Variants in CAMTA1 observed in about 807,000 individuals in gnomAD.
The protein encoded by CAMTA1 is calmodulin-binding transcription activator 1.
Under a neutral mutation model 170.9 loss-of-function variants are expected in CAMTA1, and 27 were observed. The ratio of observed to expected loss-of-function variants is 0.16; its 90% CI spans 0.12 to 0.22. CAMTA1 has a LOEUF of 0.22. CAMTA1 is among the 10% of genes least tolerant of loss of function. The probability of loss-of-function intolerance (pLI) is 1.00; values close to 1 mark genes in which losing one functional copy is unlikely to be tolerated. For synonymous variants in CAMTA1, 833 were observed against 891.5 expected (o/e 0.93, Z 1.17); for missense variants, 1,619 against 2,217.2 (o/e 0.73, Z 5.42).
intron 5 of CAMTA1, among the ~76,000 whole-genome samples, chr1:7,422,764 G>A (rs1164231868): frequency 1.3e-5 from 2 of 152,136 alleles, no homozygotes; most frequent in East Asian, 3.9e-4. Context: ...CATGGGGCTG[G>A]CACATGCCAC....
chr1:7,265,781 C>T (rs1668831458), intron 5 of CAMTA1, among the ~76,000 whole-genome samples: 1 of 152,218 alleles, frequency 6.6e-6, no homozygotes, highest in Non-Finnish European at 1.5e-5. Flanking sequence ...CTGGACAGCC[C>T]TGGGCCTGCC....
intron 3 of CAMTA1, among the ~76,000 whole-genome samples, chr1:6,966,592 C>T (rs1691585759): frequency 6.8e-6 from 1 of 146,622 alleles, no homozygotes; most frequent in South Asian, 2.2e-4. Flanking sequence ...AGCTGATTTT[C>T]CCTAAACACT....
intron 4 of CAMTA1, among the ~76,000 whole-genome samples, chr1:7,236,307 C>T (rs1161867050): frequency 1.3e-5 from 2 of 152,180 alleles, no homozygotes; most frequent in African/African-American, 4.8e-5. Flanking sequence ...GAGAGATAAG[C>T]AGAGGAGACG....
At chr1:7,114,034 G>A (rs1287914445) in intron 4 of CAMTA1, among the ~76,000 whole-genome samples, 2 of 152,086 alleles carry the variant, frequency 1.3e-5, no homozygotes, top group Non-Finnish European at 2.9e-5. Flanking sequence ...CCTGCTGCAC[G>A]CAGGGCCCAC....
Position 7,732,352 on chromosome 1 carries a change from G to T in CAMTA1, c.2915-96G>T. The T allele has an allele frequency of 9.6e-7, 1 of 1,043,262 alleles. No homozygotes were observed. Among genetic ancestry groups the T allele is most frequent in the South Asian group, 1.4e-5 (1 of 72,992 alleles). 64.6% of individuals were successfully genotyped at this position (1,043,262 alleles called of 1,614,324 possible). A position where few individuals can be genotyped will look rare whatever the true frequency, so the allele number is the denominator to read the frequency against. On this transcript the variant is annotated intron_variant, in intron 11 of 22. Transcript: ENST00000303635. The surrounding 1 kb of genome is among the most constrained non-coding windows in gnomAD (Gnocchi z 4.1). ...TCTCTGGTTTGGTGAAGTTACGGAC[G>T]GCATTTGGATGCTGGTCCCGCAAGG...
At chr1:7,000,474 G>A (rs545931642) in intron 3 of CAMTA1, among the ~76,000 whole-genome samples, 3 of 152,326 alleles carry the variant, frequency 2.0e-5, no homozygotes, top group South Asian at 4.1e-4. Context: ...CAGGACAGGA[G>A]CGAGGTGGGG....
chr1:6,928,138 G>A (rs1232316894), intron 3 of CAMTA1, among the ~76,000 whole-genome samples: 1 of 152,306 alleles, frequency 6.6e-6, no homozygotes, highest in South Asian at 2.1e-4. Context: ...GGGAGAACTC[G>A]GTGATCTGAA....
Position 7,395,019 on chromosome 1 carries a change from A to G in CAMTA1, c.439-72811A>G, listed in dbSNP as rs115760297. 9.5e-3 allele frequency among the ~76,000 whole-genome samples: 1,449 copies of G among 152,106 alleles called. 27 individuals carry two copies. The highest frequency in any genetic ancestry group is 0.034 in the African/African-American group (1,390 of 41,474). On this transcript the variant is annotated intron_variant, in intron 5 of 22. Coordinates refer to ENST00000303635, the MANE Select transcript of CAMTA1 (RefSeq NM_015215.4). ...TGCCTCAGCGTCCCAAGTAGCCAGG[A>G]CTACAGGTGTCCGCCACCACGCCTG...
intron 3 of CAMTA1, among the ~76,000 whole-genome samples, chr1:6,841,055 C>T (rs1366143691): frequency 6.6e-6 from 1 of 152,106 alleles, no homozygotes; most frequent in East Asian, 1.9e-4. Context: ...CTTGTTTGTT[C>T]CACCTTCTAG....
chr1:6,960,254 TG>T (rs1690141143), intron 3 of CAMTA1, among the ~76,000 whole-genome samples: 2 of 152,132 alleles, frequency 1.3e-5, no homozygotes, highest in South Asian at 4.1e-4. Flanking sequence ...GGAGTTTTCC[TG>T]GGGGCAGAGA....
intron 5 of CAMTA1, among the ~76,000 whole-genome samples, chr1:7,335,124 T>G (rs935165528): frequency 5.2e-5 from 1 of 19,196 alleles, no homozygotes; most frequent in South Asian, 3.4e-3. Context: ...AGCACAGCTT[T>G]TGTGTGTGTG....
At chr1:7,252,389 T>A (rs552614875) in intron 5 of CAMTA1, among the ~76,000 whole-genome samples, 1 of 152,348 alleles carries the variant, frequency 6.6e-6, no homozygotes, top group African/African-American at 2.4e-5. Context: ...GGCATGGACA[T>A]GGATTTTTAA....
intron 6 of CAMTA1, among the ~76,000 whole-genome samples, chr1:7,469,821 G>C (rs2093295567): frequency 6.6e-6 from 1 of 152,230 alleles, no homozygotes; most frequent in Admixed American, 6.5e-5. Flanking sequence ...GACTTCCCAA[G>C]CTGCATTCTG....
Position 7,492,998 on chromosome 1 carries a change from C to A in CAMTA1, c.510+25097C>A, listed in dbSNP as rs2093747044. Among the ~76,000 whole-genome samples the A allele has an allele frequency of 1.3e-5, 2 of 151,038 alleles. 1 individual carries two copies. Among genetic ancestry groups the A allele is most frequent in the South Asian group, 4.2e-4 (2 of 4,792 alleles). ...TCAAACACAAACATACAAACGCGCA[C>A]ACAAACACAAACCTACAAACACACA... On this transcript the variant is annotated intron_variant, in intron 6 of 22. Transcript: ENST00000303635.
chr1:6,950,812 A>G (rs1688359115), intron 3 of CAMTA1, among the ~76,000 whole-genome samples: 1 of 152,036 alleles, frequency 6.6e-6, no homozygotes, highest in Non-Finnish European at 1.5e-5. Flanking sequence ...ATGACCGACA[A>G]CTACCACTGG....
At chr1:7,459,581 G>A (rs1179851339) in intron 5 of CAMTA1, among the ~76,000 whole-genome samples, 1 of 152,182 alleles carries the variant, frequency 6.6e-6, no homozygotes, top group East Asian at 1.9e-4. Context: ...GAGCCCCACA[G>A]CCCTGCCCTT....
chr1:7,493,636 AGGGAACTGGGGGGGG>A (rs2093775462), intron 6 of CAMTA1, among the ~76,000 whole-genome samples: 1 of 28,638 alleles, frequency 3.5e-5, no homozygotes, highest in South Asian at 1.8e-3. Context: ...TCCATCCCCC[AGGGAACTGGGGGGGG>A]GGGGGGGTCA....
At chr1:6,923,031 G>C (rs1019822924) in intron 3 of CAMTA1, among the ~76,000 whole-genome samples, 1 of 152,144 alleles carries the variant, frequency 6.6e-6, no homozygotes, top group African/African-American at 2.4e-5. Context: ...CAATTAAGCT[G>C]TTTTATGATC....
chr1:7,381,054 C>T (rs1238895223), intron 5 of CAMTA1, among the ~76,000 whole-genome samples: 2 of 152,212 alleles, frequency 1.3e-5, no homozygotes, highest in Non-Finnish European at 2.9e-5. Flanking sequence ...TGGAGTCAGA[C>T]AGGCTGTATT....
Sources: gnomAD v4.1 joint callset for allele counts (sites outside exome capture counted in the v4.1 genomes callset) on GRCh38, gnomAD v4.1.1 for gene constraint, Gnocchi (gnomAD v3.1) non-coding constraint, MANE v1.5 for transcripts, NCBI Gene and HGNC (gene_info 2026-07-23, HGNC 2026-07-21) for gene names.